Variants in TNFSF12 observed in about 807,000 individuals in gnomAD.
The protein encoded by TNFSF12 is tumor necrosis factor ligand superfamily member 12.
Under a neutral mutation model 31.2 loss-of-function variants are expected in TNFSF12, and 16 were observed. The observed-to-expected ratio is 0.51, with a 90% CI of 0.35 to 0.78. The LOEUF is 0.78. Ranked by LOEUF, TNFSF12 falls within the 30% of genes least tolerant of loss-of-function variation. The probability of loss-of-function intolerance (pLI) is 0.01; values close to 1 mark genes in which losing one functional copy is unlikely to be tolerated. For synonymous variants in TNFSF12, 150 were observed against 151.4 expected, an observed-to-expected ratio of 0.99 and a Z score of 0.07; for missense variants, 324 against 338.8, an observed-to-expected ratio of 0.96 and a Z score of 0.34.
Position 7,557,314 on chromosome 17 carries a change from C to A in TNFSF12, c.714C>A (p.Pro238=), listed in dbSNP as rs779131511. Residue 238 remains proline (P), a synonymous_variant, in exon 7 of 7, where the codon CCC becomes CCA. Transcript: ENST00000293825. This position sits in a 1 kb window ranked among gnomAD's most constrained non-coding sequence, Gnocchi z 5.2. The part of the protein sequence containing the change: ...TLPWAHLKAA[P]FLTYFGLFQV... ...CCTGGGCCCATCTCAAGGCTGCCCC[C>A]TTCCTCACCTACTTCGGACTCTTCC... 4 of 1,611,364 alleles carry A rather than the reference C, an allele frequency of 2.5e-6. No individual in the cohort carries two copies. The South Asian group carries it at 3.3e-5, about 13-fold the overall frequency.
At position 7,557,290 on chromosome 17, in the gene TNFSF12, C is replaced by T; in HGVS notation, c.690C>T (p.Pro230=). 6.2e-7 allele frequency: 1 copy of T among 1,613,568 alleles called. No individual in the cohort carries two copies. Among genetic ancestry groups the T allele is most frequent in the Non-Finnish European group, 8.5e-7 (1 of 1,179,762 alleles). ...PGSSLRIRTL[P]WAHLKAAPFL... ...CCTCCCTGCGGATCCGCACCCTCCC[C>T]TGGGCCCATCTCAAGGCTGCCCCCT... The change falls in exon 7 of 7, where the codon CCC becomes CCT. Residue 230 remains proline (P), a synonymous_variant. Transcript: ENST00000293825. This position sits in a 1 kb window ranked among gnomAD's most constrained non-coding sequence, Gnocchi z 5.2.
intron 5 of TNFSF12, among the ~76,000 whole-genome samples, chr17:7,553,301 G>A (rs938196639): frequency 2.0e-5 from 3 of 151,992 alleles, no homozygotes; most frequent in African/African-American, 2.4e-5. Flanking sequence ...CACCCGCTTC[G>A]GCCTCCCAAA....
rs1376509656 is a variant in TNFSF12, at chr17:7,553,475, T to G, written c.373+2497T>G. The G allele has an allele frequency of 1.3e-5, 6 of 469,706 alleles. No individual in the cohort carries two copies. The East Asian group carries it at 4.2e-4, about 33-fold the overall frequency. 29.1% of individuals were successfully genotyped at this position (469,706 alleles called of 1,614,324 possible). Reference sequence around the variant, plus strand: ...AATACTATTTTCATCTGATCTAACATGTACTGAGGGCTTTCTTGAGATAGG... The same window carrying G: ...AATACTATTTTCATCTGATCTAACAGGTACTGAGGGCTTTCTTGAGATAGG... On this transcript the variant is annotated intron_variant, in intron 5 of 6. Coordinates refer to ENST00000293825, the MANE Select transcript of TNFSF12 (RefSeq NM_003809.3).
At position 7,550,229 on chromosome 17, in the gene TNFSF12, G is replaced by A. The variant is rs1013138416; in HGVS notation, c.283+34G>A. 2 of 1,613,758 alleles carry A rather than the reference G, an allele frequency of 1.2e-6. No individual in the cohort carries two copies. The highest frequency in any genetic ancestry group is 2.7e-5 in the African/African-American group (2 of 74,890). On this transcript the variant is annotated intron_variant, in intron 3 of 6. Coordinates refer to ENST00000293825, the MANE Select transcript of TNFSF12 (RefSeq NM_003809.3). This position sits in a 1 kb window ranked among gnomAD's most constrained non-coding sequence, Gnocchi z 4.4. ...CCCTCTATCCCAACCTCAGGAAGCG[G>A]GCAGAGCAAAAACCATTATCCACAG...
chr17:7,556,025 G>A (rs1418071071), intron 5 of TNFSF12, among the ~76,000 whole-genome samples: 6 of 128,194 alleles, frequency 4.7e-5, no homozygotes, highest in Non-Finnish European at 6.3e-5. Flanking sequence ...CTGTTGCCCA[G>A]GCTGGAGTGC....
chr17:7,553,711 G>A, intron 5 of TNFSF12: 1 of 1,292,372 alleles, frequency 7.7e-7, no homozygotes, highest in South Asian at 1.2e-5. Flanking sequence ...GCTGGTGCAG[G>A]GGTGAGGGGT....
intron 5 of TNFSF12, 70 bp from the exon 6 acceptor site, chr17:7,556,708 A>G (rs1299510552): frequency 1.4e-6 from 2 of 1,388,204 alleles, no homozygotes; most frequent in Admixed American, 2.7e-5. Flanking sequence ...CATATGCTCA[A>G]TGGATCCCTG....
In TNFSF12 at chr17:7,556,673, C is replaced by T. The variant is rs2071071485; in HGVS notation, c.374-105C>T. The T allele has an allele frequency of 6.7e-6, 9 of 1,350,696 alleles. No homozygotes were observed. The African/African-American group carries it at 8.9e-5, about 13-fold the overall frequency. The allele number at this position is 1,350,696 out of a possible 1,614,324, so 83.7% of individuals were successfully genotyped here. A position where few individuals can be genotyped will look rare whatever the true frequency, so the allele number is the denominator to read the frequency against. The stretch of plus-strand genomic sequence containing the variant: ...TTGCCCGGGGTGATCTATGTGTCTT[C>T]TGGGTAAAGTGGGCGCCGAATGTTC... On this transcript the variant is annotated intron_variant, in intron 5 of 6. Coordinates refer to ENST00000293825, the MANE Select transcript of TNFSF12 (RefSeq NM_003809.3).
chr17:7,550,116 C>A lies in TNFSF12; in HGVS notation c.208-4C>A. ...GTGGTTGAACCCTGCCCTAATTCCC[C>A]TAGGAACTGAATCCCCAGACAGAAG... On this transcript the variant is annotated splice_polypyrimidine_tract_variant and splice_region_variant and intron_variant, in intron 2 of 6. Coordinates refer to ENST00000293825, the MANE Select transcript of TNFSF12 (RefSeq NM_003809.3). The surrounding 1 kb of genome is among the most constrained non-coding windows in gnomAD (Gnocchi z 4.4). The A allele has an allele frequency of 1.2e-6, 2 of 1,614,068 alleles. No individual in the cohort carries two copies. Among genetic ancestry groups the A allele is most frequent in the Non-Finnish European group, 8.5e-7 (1 of 1,180,006 alleles).
chr17:7,550,560 C>G lies in TNFSF12; in HGVS notation c.284-239C>G, dbSNP rs978807833. The stretch of plus-strand genomic sequence containing the variant: ...CGGCATGCAGTTGTCCTGGCCCCCA[C>G]CTGTTATCTCGGTGTGATTAATAGC... On this transcript the variant is annotated intron_variant, in intron 3 of 6. Transcript: ENST00000293825. The surrounding 1 kb of genome is among the most constrained non-coding windows in gnomAD (Gnocchi z 4.4). Among the ~76,000 whole-genome samples, 1 of 152,144 alleles carries G rather than the reference C, an allele frequency of 6.6e-6. No individual in the cohort carries two copies. The highest frequency in any genetic ancestry group is 1.5e-5 in the Non-Finnish European group (1 of 68,024).
At chr17:7,551,857 G>C (rs935866471) in intron 5 of TNFSF12, among the ~76,000 whole-genome samples, 1 of 152,082 alleles carries the variant, frequency 6.6e-6, no homozygotes, top group African/African-American at 2.4e-5. Context: ...GTGCAATCTC[G>C]GCTTACTGCA....
rs574474560 is a variant in TNFSF12, at chr17:7,550,127, A to C, written c.215A>C (p.Asn72Thr). The part of the protein sequence containing the change: ...AEEDQDPSEL[N>T]PQTEESQDPA... ...CTGCCCTAATTCCCCTAGGAACTGAATCCCCAGACAGAAGAAAGCCAGGAT... is the reference window on the plus strand; with the variant it reads ...CTGCCCTAATTCCCCTAGGAACTGACTCCCCAGACAGAAGAAAGCCAGGAT... The change falls in exon 3 of 7, where the codon AAT (asparagine) becomes ACT (threonine). Residue 72 changes from asparagine to threonine, a missense_variant. Transcript: ENST00000293825. This position sits in a 1 kb window ranked among gnomAD's most constrained non-coding sequence, Gnocchi z 4.4. 1.2e-6 allele frequency: 2 copies of C among 1,614,058 alleles called. No homozygotes were observed. Among genetic ancestry groups the C allele is most frequent in the South Asian group, 2.2e-5 (2 of 91,072 alleles).
chr17:7,549,307 GC>G lies in TNFSF12; in HGVS notation c.157del (p.Gln53ArgfsTer19). The G allele has an allele frequency of 7.2e-7, 1 of 1,396,406 alleles. No homozygotes were observed. Among genetic ancestry groups the G allele is most frequent in the South Asian group, 1.6e-5 (1 of 61,410 alleles). The allele number at this position is 1,396,406 out of a possible 1,614,324, so 86.5% of individuals were successfully genotyped here. ...VSLGSRASLS[A>X]QEPAQEELVA... ...TTTGGGGAGCCGGGCATCGCTGTCC[GC>G]CCAGGTGAGGCCCCGCTGCGCACCC... On this transcript the variant is annotated frameshift_variant, in exon 1 of 7. Coordinates refer to ENST00000293825, the MANE Select transcript of TNFSF12 (RefSeq NM_003809.3). LOFTEE classifies it high-confidence loss of function. The surrounding 1 kb of genome is among the most constrained non-coding windows in gnomAD (Gnocchi z 4.1).
Position 7,550,268 on chromosome 17 carries a change from C to T in TNFSF12, c.283+73C>T. On this transcript the variant is annotated intron_variant, in intron 3 of 6. Coordinates refer to ENST00000293825, the MANE Select transcript of TNFSF12 (RefSeq NM_003809.3). This position sits in a 1 kb window ranked among gnomAD's most constrained non-coding sequence, Gnocchi z 4.4. ...CATTATCCACAGGGAGAAACTGAGG[C>T]ACGGAGGGTGAAAGGAGTTCAGAGT... 1 of 1,607,452 alleles carries T rather than the reference C, an allele frequency of 6.2e-7. No homozygotes were observed. Among genetic ancestry groups the T allele is most frequent in the Non-Finnish European group, 8.5e-7 (1 of 1,175,634 alleles).
At chr17:7,553,624 T>C in intron 5 of TNFSF12, 1 of 1,303,676 alleles carries the variant, frequency 7.7e-7, no homozygotes. Context: ...CATGAGATAC[T>C]AAGTGGTGGA....
At chr17:7,551,049 C>G in intron 5 of TNFSF12, 71 bp downstream of exon 5, 1 of 1,607,210 alleles carries the variant, frequency 6.2e-7, no homozygotes, top group Non-Finnish European at 8.5e-7. Context: ...TGACCTCCCA[C>G]TCCCTTCCCG....
Position 7,550,011 on chromosome 17 carries a change from T to C in TNFSF12, c.208-109T>C, listed in dbSNP as rs1316285281. The C allele has an allele frequency of 4.5e-6, 7 of 1,565,816 alleles. No homozygotes were observed. The highest frequency in any genetic ancestry group is 6.1e-6 in the Non-Finnish European group (7 of 1,141,496). On this transcript the variant is annotated intron_variant, in intron 2 of 6. Coordinates refer to ENST00000293825, the MANE Select transcript of TNFSF12 (RefSeq NM_003809.3). The surrounding 1 kb of genome is among the most constrained non-coding windows in gnomAD (Gnocchi z 4.4). ...GTAGTTGGCTGAGGGGCTTAATCTG[T>C]CCCTGACTTCTGTGTCTATTGCTGG...
Position 7,550,218 on chromosome 17 carries a change from C to A in TNFSF12, c.283+23C>A, listed in dbSNP as rs776904987. 6.2e-7 allele frequency: 1 copy of A among 1,613,950 alleles called. No individual in the cohort carries two copies. The highest frequency in any genetic ancestry group is 8.5e-7 in the Non-Finnish European group (1 of 1,180,006). On this transcript the variant is annotated intron_variant, in intron 3 of 6. Coordinates refer to ENST00000293825, the MANE Select transcript of TNFSF12 (RefSeq NM_003809.3). The surrounding 1 kb of genome is among the most constrained non-coding windows in gnomAD (Gnocchi z 4.4). ...GTGGTGAGCATCCCTCTATCCCAAC[C>A]TCAGGAAGCGGGCAGAGCAAAAACC...
At chr17:7,553,757 AGTTTCC>A in intron 5 of TNFSF12, 2 of 1,226,530 alleles carry the variant, frequency 1.6e-6, no homozygotes, top group Non-Finnish European at 2.1e-6. Context: ...GGGAGAGGGA[AGTTTCC>A]AGAAAGAAGA....
Sources: gnomAD v4.1 joint callset for allele counts (sites outside exome capture counted in the v4.1 genomes callset) on GRCh38, gnomAD v4.1.1 for gene constraint, Gnocchi (gnomAD v3.1) non-coding constraint, MANE v1.5 for transcripts, NCBI Gene and HGNC (gene_info 2026-07-23, HGNC 2026-07-21) for gene names.